The following SNX11 variants were observed in gnomAD, a reference collection of about 807,000 sequenced individuals.
SNX11 encodes sorting nexin 11.
Under a neutral mutation model 30.7 loss-of-function variants are expected in SNX11, and 19 were observed. The ratio of observed to expected loss-of-function variants is 0.62; its 90% confidence interval spans 0.43 to 0.91. SNX11 has a LOEUF of 0.91. Among genes scored for constraint, SNX11 ranks in the 40% least tolerant of loss-of-function variants. SNX11 has a pLI of 0.00. For missense variants in SNX11, 302 were observed against 326.7 expected (o/e 0.92, Z 0.58); for synonymous variants, 112 against 119.0 (o/e 0.94, Z 0.38).
Position 48,121,508 on chromosome 17 carries a change from A to G in SNX11, c.813A>G (p.Ter271TrpextTer44). 6.2e-7 allele frequency: 1 copy of G among 1,613,048 alleles called. No homozygotes were observed. Among genetic ancestry groups the G allele is most frequent in the Non-Finnish European group, 8.5e-7 (1 of 1,179,900 alleles). Residue 271 changes from the stop codon to tryptophan, a stop_lost, in exon 7 of 7, where the codon TGA becomes TGG. Coordinates refer to ENST00000359238, the MANE Select transcript of SNX11 (RefSeq NM_013323.3). ...PGQLETVLEK[*>W] ...AGTTAGAAACAGTTTTGGAAAAGTGAGCTCTGGGTTCTGCTCTGAGATGGT... is the reference window on the plus strand; with the variant it reads ...AGTTAGAAACAGTTTTGGAAAAGTGGGCTCTGGGTTCTGCTCTGAGATGGT...
intron 6 of SNX11, 140 bp downstream of exon 6, chr17:48,119,326 T>G (rs906587814): frequency 1.5e-6 from 1 of 689,160 alleles, no homozygotes; most frequent in African/African-American, 1.8e-5. Context: ...TGCGTGGCTT[T>G]CTATCCAGGT....
At chr17:48,116,668 A>G (rs971282513) in intron 4 of SNX11, among the ~76,000 whole-genome samples, 5 of 151,560 alleles carry the variant, frequency 3.3e-5, no homozygotes, top group South Asian at 2.1e-4. Flanking sequence ...CCCAGGTTCA[A>G]GGGATTCTTC....
rs1196157097 is a variant in SNX11, at chr17:48,123,406, A to G, written c.*1898A>G. The stretch of plus-strand genomic sequence containing the variant: ...ACAGGAGCTGGAGGTGGTCTGTGTC[A>G]ATTCCCTACTCAGCCAAAAAAACAG... On this transcript the variant is annotated 3_prime_UTR_variant, in exon 7 of 7. Coordinates refer to ENST00000359238, the MANE Select transcript of SNX11 (RefSeq NM_013323.3). 6.7e-6 allele frequency among the ~76,000 whole-genome samples: 1 copy of G among 149,674 alleles called. No individual in the cohort carries two copies.
At chr17:48,108,325 A>G (rs2063457319) in intron 1 of SNX11, among the ~76,000 whole-genome samples, 1 of 152,194 alleles carries the variant, frequency 6.6e-6, no homozygotes, top group Admixed American at 6.5e-5. Context: ...GATCACACAG[A>G]GCTTGGTCAG....
chr17:48,114,546 C>T (rs1209269644), intron 4 of SNX11, among the ~76,000 whole-genome samples: 1 of 150,970 alleles, frequency 6.6e-6, no homozygotes, highest in Admixed American at 6.6e-5. Context: ...CAACCTCCGC[C>T]TCCCGGGTTC....
chr17:48,112,052 T>G lies in SNX11; in HGVS notation c.9T>G (p.Phe3Leu). 20 of 1,613,624 alleles carry G rather than the reference T, an allele frequency of 1.2e-5. No homozygotes were observed. The highest frequency in any genetic ancestry group is 1.7e-5 in the Non-Finnish European group (20 of 1,179,570). ...TCAGATGTTTCCTTCCAATGGGCTT[T>G]TGGTGTAGGATGTCGGAGAACCAAG... Reference protein sequence around the residue: MGFWCRMSENQEQ... With the variant: MGLWCRMSENQEQ... The change falls in exon 2 of 7, where the codon TTT (phenylalanine) becomes TTG (leucine). Residue 3 changes from phenylalanine to leucine, a missense_variant. By Grantham distance (22) the Phe-to-Leu change is conservative (BLOSUM62 0). Coordinates refer to ENST00000359238, the MANE Select transcript of SNX11 (RefSeq NM_013323.3).
chr17:48,115,218 C>T (rs1015761835), intron 4 of SNX11, among the ~76,000 whole-genome samples: 4 of 151,818 alleles, frequency 2.6e-5, no homozygotes, highest in Non-Finnish European at 4.4e-5. Context: ...CCTACCCCCA[C>T]GCCCAGCTAA....
rs1399448624 is a variant in SNX11 at position 48,122,596 on chromosome 17, T to C, written c.*1088T>C. The C allele has an allele frequency of 1.3e-5, 2 of 152,320 alleles. No homozygotes were observed. The highest frequency in any genetic ancestry group is 2.4e-5 in the African/African-American group (1 of 41,436). The allele number at this position is 152,320 out of a possible 1,614,324, so 9.4% of individuals were successfully genotyped here. A position where few individuals can be genotyped will look rare whatever the true frequency, so the allele number is the denominator to read the frequency against. ...TCTACTCTTAGGTTTGTGTGTGTGA[T>C]CCTTCCCCTCCCTGTCGCCCACTCC... On this transcript the variant is annotated 3_prime_UTR_variant, in exon 7 of 7. Coordinates refer to ENST00000359238, the MANE Select transcript of SNX11 (RefSeq NM_013323.3).
rs1333172957 is a variant in SNX11, at chr17:48,121,235, T to C, written c.540T>C (p.Ser180=). ...SHLAKGDQPK[S]CCFLPRSGRR... is the part of the protein sequence containing the mutation. ...TTTTCCCTTTCCCACTCTTTTCCAGTTGCTGCTTTCTTCCAAGATCGGGTA... is the reference window on the plus strand; with the variant it reads ...TTTTCCCTTTCCCACTCTTTTCCAGCTGCTGCTTTCTTCCAAGATCGGGTA... Residue 180 remains serine, a splice_region_variant and synonymous_variant, in exon 7 of 7, where the codon AGT becomes AGC. Transcript: ENST00000359238. 5 of 1,613,860 alleles carry C rather than the reference T, an allele frequency of 3.1e-6. No individual in the cohort carries two copies. The African/African-American group carries it at 6.7e-5, about 22-fold the overall frequency.
At chr17:48,114,457 C>CTTTTT (rs34029008) in intron 4 of SNX11, among the ~76,000 whole-genome samples, 3 of 123,486 alleles carry the variant, frequency 2.4e-5, no homozygotes, top group African/African-American at 9.3e-5. Context: ...CCCAGGCCTT[C>CTTTTT]TTTTTTTTTT....
intron 1 of SNX11, among the ~76,000 whole-genome samples, chr17:48,109,583 G>GT (rs11397962): frequency 0.25 from 35,537 of 141,956 alleles, 4,681 homozygotes; most frequent in Admixed American, 0.35. Flanking sequence ...TGTTTTTTGT[G>GT]TTTTTTTTTT....
chr17:48,111,902 C>T, intron 1 of SNX11, 129 bp from the exon 2 acceptor site: 1 of 688,560 alleles, frequency 1.5e-6, no homozygotes. Flanking sequence ...TTAAGTTTTA[C>T]AAGAACAAAA....
At chr17:48,111,934 C>CTTTG in intron 1 of SNX11, 97 bp from the exon 2 acceptor site, 1 of 929,436 alleles carries the variant, frequency 1.1e-6, no homozygotes, top group Admixed American at 2.0e-5. Flanking sequence ...GGTTTCCCCA[C>CTTTG]GGGGGTCTAT....
chr17:48,111,414 G>A (rs372804892), intron 1 of SNX11, among the ~76,000 whole-genome samples: 22 of 152,220 alleles, frequency 1.4e-4, no homozygotes, highest in African/African-American at 4.6e-4. Flanking sequence ...TTGGGAGGCC[G>A]AGGAGGGCGG....
chr17:48,122,912 G>A lies in SNX11; in HGVS notation c.*1404G>A, dbSNP rs2063614121. 1 of 152,198 alleles carries A rather than the reference G, an allele frequency of 6.6e-6. No individual in the cohort carries two copies. Among genetic ancestry groups the A allele is most frequent in the Non-Finnish European group, 1.5e-5 (1 of 68,044 alleles). The allele number at this position is 152,198 out of a possible 1,614,324, so 9.4% of individuals were successfully genotyped here. A position where few individuals can be genotyped will look rare whatever the true frequency, so the allele number is the denominator to read the frequency against. On this transcript the variant is annotated 3_prime_UTR_variant, in exon 7 of 7. Coordinates refer to ENST00000359238, the MANE Select transcript of SNX11 (RefSeq NM_013323.3). The stretch of plus-strand genomic sequence containing the variant: ...TGTGTGCAGCTCAAGTTCACCACTG[G>A]AGGAAGGATTGTCTTCCAAAGAGCT...
chr17:48,110,668 G>C (rs1469065491), intron 1 of SNX11: 1 of 152,554 alleles, frequency 6.6e-6, no homozygotes, highest in Non-Finnish European at 1.5e-5. Flanking sequence ...GGGAGGAGAG[G>C]GAGGGCTTAG....
At chr17:48,109,671 G>A (rs1357891564) in intron 1 of SNX11, among the ~76,000 whole-genome samples, 1 of 151,436 alleles carries the variant, frequency 6.6e-6, no homozygotes, top group Non-Finnish European at 1.5e-5. Flanking sequence ...TCCGCCTCCC[G>A]GGTTCAAGTG....
At chr17:48,108,248 T>C (rs989216698) in intron 1 of SNX11, among the ~76,000 whole-genome samples, 4 of 152,180 alleles carry the variant, frequency 2.6e-5, no homozygotes, top group Non-Finnish European at 5.9e-5. Flanking sequence ...CCTTTGTTAC[T>C]TACCTTCCAA....
At position 48,112,576 on chromosome 17, in the gene SNX11, G is replaced by A. The variant is rs1229721695; in HGVS notation, c.45G>A (p.Glu15=). ...CRMSENQEQE[E]VITVRVQDPR... ...GAGGGAGCTTTTCTTACCTACAGGA[G>A]GTGATTACAGTGCGTGTTCAGGACC... is the stretch of plus-strand genomic sequence containing the variant. Residue 15 remains glutamate (E), a splice_region_variant and synonymous_variant, in exon 3 of 7, where the codon GAG becomes GAA. Transcript: ENST00000359238. The A allele has an allele frequency of 8.1e-6, 13 of 1,610,888 alleles. No individual in the cohort carries two copies. The highest frequency in any genetic ancestry group is 1.1e-5 in the Non-Finnish European group (13 of 1,177,400).
Sources: gnomAD v4.1 joint callset for allele counts (sites outside exome capture counted in the v4.1 genomes callset) on GRCh38, gnomAD v4.1.1 for gene constraint, MANE v1.5 for transcripts, NCBI Gene and HGNC (gene_info 2026-07-23, HGNC 2026-07-21) for gene names.